SPAST: variants seen among roughly 807,000 people sequenced by gnomAD.
SPAST encodes the protein spastic paraplegia 4 (autosomal dominant; spastin).
In SPAST, 30 loss-of-function variants were observed where a neutral mutation model predicts 76.6. That is an observed-to-expected ratio of 0.39 (90% CI 0.29 to 0.53). The LOEUF is 0.53. Among genes scored for constraint, SPAST ranks in the 20% least tolerant of loss-of-function variants. The pLI, the probability that SPAST is intolerant of heterozygous loss-of-function variation, is 0.68. For missense variants in SPAST, 717 were observed against 770.5 expected (o/e 0.93, Z 0.82); for synonymous variants, 305 against 281.0 (o/e 1.09, Z -0.86).
chr2:32,106,787 C>T (rs1678338847), intron 4 of SPAST, among the ~76,000 whole-genome samples: 2 of 151,948 alleles, frequency 1.3e-5, no homozygotes, highest in African/African-American at 2.4e-5. Flanking sequence ...CCATTCCTTC[C>T]TCTGTCTGAT....
intron 1 of SPAST, among the ~76,000 whole-genome samples, chr2:32,066,994 C>CAAAAAAA (rs1553395256): frequency 4.2e-5 from 2 of 47,106 alleles, no homozygotes; most frequent in South Asian, 1.0e-3. Context: ...AAAAAAAAAC[C>CAAAAAAA]AAAAAAAAAA....
At chr2:32,100,657 G>A (rs1448143118) in intron 4 of SPAST, among the ~76,000 whole-genome samples, 1 of 151,840 alleles carries the variant, frequency 6.6e-6, no homozygotes, top group Non-Finnish European at 1.5e-5. Flanking sequence ...TCCCCACCCT[G>A]TGTCCAAGTG....
At chr2:32,144,267 C>G (rs1346436311) in intron 14 of SPAST, among the ~76,000 whole-genome samples, 1 of 152,186 alleles carries the variant, frequency 6.6e-6, no homozygotes, top group East Asian at 1.9e-4. Context: ...TGTCCCTTAT[C>G]CCATCAAGAG....
chr2:32,141,797 C>A, intron 12 of SPAST, 107 bp from the exon 13 acceptor site: 2 of 802,380 alleles, frequency 2.5e-6, no homozygotes, highest in Non-Finnish European at 4.1e-6. Flanking sequence ...TACCAAAATG[C>A]ATTCCAGTGC....
Position 32,128,390 on chromosome 2 carries a change from C to T in SPAST, c.1174-18C>T. On this transcript the variant is annotated intron_variant, in intron 8 of 16. Coordinates refer to ENST00000315285, the MANE Select transcript of SPAST (RefSeq NM_014946.4). ...ATATATTGAACTAATTTAATATTTG[C>T]TCTTGTGATTTTTAAAGGCTAAAGC... 1 of 1,552,246 alleles carries T rather than the reference C, an allele frequency of 6.4e-7. No homozygotes were observed. Among genetic ancestry groups the T allele is most frequent in the Non-Finnish European group, 8.9e-7 (1 of 1,123,868 alleles).
At chr2:32,073,648 C>G (rs558422815) in intron 1 of SPAST, among the ~76,000 whole-genome samples, 1 of 152,116 alleles carries the variant, frequency 6.6e-6, no homozygotes, top group African/African-American at 2.4e-5. Context: ...CACTCTTGAC[C>G]TATAATAGTC....
At chr2:32,108,758 CTTTTTTT>C (rs71407413) in intron 4 of SPAST, among the ~76,000 whole-genome samples, 5 of 73,888 alleles carry the variant, frequency 6.8e-5, no homozygotes, top group African/African-American at 2.1e-4. Flanking sequence ...GCTGGTATAG[CTTTTTTT>C]TTTTTTTTTT....
chr2:32,143,807 T>C (rs449721), intron 14 of SPAST, among the ~76,000 whole-genome samples: 1 of 152,152 alleles, frequency 6.6e-6, no homozygotes, highest in Non-Finnish European at 1.5e-5. Flanking sequence ...GGGAGGTTGA[T>C]GTGGGAGGAT....
chr2:32,084,401 T>A (rs983117633), intron 1 of SPAST, among the ~76,000 whole-genome samples: 1 of 151,232 alleles, frequency 6.6e-6, no homozygotes, highest in Non-Finnish European at 1.5e-5. Context: ...CCTGACCTCG[T>A]GATCCACCCG....
intron 2 of SPAST, 116 bp from the exon 3 acceptor site, chr2:32,089,406 A>T (rs1359507625): frequency 7.9e-6 from 5 of 630,904 alleles, no homozygotes; most frequent in South Asian, 1.8e-5. Context: ...TTTTTTTTAA[A>T]AAAAAATTTC....
At chr2:32,072,208 A>G (rs916918227) in intron 1 of SPAST, among the ~76,000 whole-genome samples, 1 of 151,166 alleles carries the variant, frequency 6.6e-6, no homozygotes, top group Non-Finnish European at 1.5e-5. Context: ...ATGCCCAGCT[A>G]TTTTTTTTGT....
intron 11 of SPAST, 42 bp from the exon 12 acceptor site, chr2:32,137,067 T>C (rs369447621): frequency 1.9e-6 from 3 of 1,573,426 alleles, no homozygotes; most frequent in South Asian, 2.2e-5. Context: ...ATATTTGTTA[T>C]TACTTTTCTA....
chr2:32,097,417 C>G (rs1677956219), intron 3 of SPAST, among the ~76,000 whole-genome samples: 1 of 152,264 alleles, frequency 6.6e-6, no homozygotes, highest in South Asian at 2.1e-4. Flanking sequence ...ATTTCCCCTC[C>G]CTAGAGGCGG....
intron 1 of SPAST, among the ~76,000 whole-genome samples, chr2:32,074,317 G>A (rs571758863): frequency 2.6e-5 from 4 of 152,292 alleles, no homozygotes; most frequent in African/African-American, 9.6e-5. Context: ...GGTTTAGACA[G>A]TGTTCAGTGT....
At chr2:32,094,112 A>C (rs1174136647) in intron 3 of SPAST, among the ~76,000 whole-genome samples, 1 of 152,174 alleles carries the variant, frequency 6.6e-6, no homozygotes, top group East Asian at 1.9e-4. Context: ...TAATAAACAA[A>C]TATGTTACTA....
intron 4 of SPAST, among the ~76,000 whole-genome samples, chr2:32,111,622 C>CT (rs936294940): frequency 2.7e-5 from 4 of 149,848 alleles, no homozygotes; most frequent in Admixed American, 6.7e-5. Flanking sequence ...GTTTTCTGAT[C>CT]TTTTTTTTTG....
intron 1 of SPAST, among the ~76,000 whole-genome samples, chr2:32,086,012 A>C (rs918295476): frequency 6.6e-6 from 1 of 151,612 alleles, no homozygotes; most frequent in Non-Finnish European, 1.5e-5. Context: ...ACTGCACTGC[A>C]GCCTGGGCTA....
intron 1 of SPAST, among the ~76,000 whole-genome samples, chr2:32,075,520 C>G (rs1676920024): frequency 6.9e-6 from 1 of 144,112 alleles, no homozygotes; most frequent in Admixed American, 7.0e-5. Context: ...CCTAACCTCA[C>G]TCCTCATTTA....
chr2:32,150,950 A>ACTTTTTTTT (rs1680062897), intron 16 of SPAST, among the ~76,000 whole-genome samples: 1 of 101,986 alleles, frequency 9.8e-6, no homozygotes, highest in South Asian at 4.3e-4. Context: ...TCTACTGTAT[A>ACTTTTTTTT]CTTTTTTTTT....
Sources: allele counts gnomAD v4.1 joint callset (sites outside exome capture counted in the v4.1 genomes callset), GRCh38; gene constraint gnomAD v4.1.1; transcripts MANE v1.5; gene names NCBI Gene and HGNC (gene_info 2026-07-23, HGNC 2026-07-21).